Variants in PPM1L observed in about 807,000 individuals in gnomAD.
The protein encoded by PPM1L is protein phosphatase, Mg2+/Mn2+ dependent 1L.
A neutral mutation model predicts 31.4 loss-of-function variants in PPM1L; 13 were observed. That is an observed-to-expected ratio of 0.41 (90% CI 0.27 to 0.66). PPM1L has a LOEUF of 0.66. Ranked by LOEUF, PPM1L falls within the 30% of genes least tolerant of loss-of-function variation. PPM1L has a pLI of 0.29. For missense variants in PPM1L, 326 were observed against 453.7 expected (o/e 0.72, Z 2.56); for synonymous variants, 184 against 175.4 (o/e 1.05, Z -0.39).
chr3:160,912,078 G>A (rs1713993674), intron 1 of PPM1L, among the ~76,000 whole-genome samples: 1 of 152,160 alleles, frequency 6.6e-6, no homozygotes, highest in African/African-American at 2.4e-5. Flanking sequence ...GAATAATGTG[G>A]ATAATGGTAT....
intron 2 of PPM1L, among the ~76,000 whole-genome samples, chr3:161,028,718 C>T (rs1034397886): frequency 6.6e-6 from 1 of 152,104 alleles, no homozygotes; most frequent in Non-Finnish European, 1.5e-5. Flanking sequence ...TACATGACAC[C>T]AACAACAAAA....
intron 2 of PPM1L, among the ~76,000 whole-genome samples, chr3:160,967,285 C>T (rs988521937): frequency 6.6e-6 from 1 of 151,994 alleles, no homozygotes; most frequent in African/African-American, 2.4e-5. Context: ...ATTACCCAGT[C>T]TTGGGTATTT....
chr3:160,974,539 T>C (rs1220597251), intron 2 of PPM1L, among the ~76,000 whole-genome samples: 1 of 151,882 alleles, frequency 6.6e-6, no homozygotes, highest in Admixed American at 6.6e-5. Flanking sequence ...ACCTGTTGTT[T>C]CCTGAATTTT....
At chr3:160,991,964 G>T (rs140458316) in intron 2 of PPM1L, among the ~76,000 whole-genome samples, 249 of 152,258 alleles carry the variant, frequency 1.6e-3, no homozygotes, top group African/African-American at 5.8e-3. Flanking sequence ...CTCTTGATGT[G>T]TATTAACTTT....
At chr3:161,008,117 A>G (rs58189630) in intron 2 of PPM1L, among the ~76,000 whole-genome samples, 33,542 of 152,026 alleles carry the variant, frequency 0.22, 4,019 homozygotes, top group South Asian at 0.3. Context: ...CTTTTCCCCA[A>G]AGCTAACCAT....
intron 1 of PPM1L, among the ~76,000 whole-genome samples, chr3:160,771,096 A>G (rs1715243252): frequency 6.6e-6 from 1 of 152,198 alleles, no homozygotes; most frequent in Admixed American, 6.5e-5. Flanking sequence ...AGAATAAAGT[A>G]TATGTATGTA....
At chr3:161,037,741 G>C (rs950909179) in intron 2 of PPM1L, among the ~76,000 whole-genome samples, 4 of 151,630 alleles carry the variant, frequency 2.6e-5, no homozygotes, top group African/African-American at 9.7e-5. Context: ...CCCTACTTGA[G>C]CTTTTGAGAT....
chr3:160,973,762 CTGTTTTTTT>C (rs1716435372), intron 2 of PPM1L, among the ~76,000 whole-genome samples: 1 of 19,812 alleles, frequency 5.0e-5, no homozygotes, highest in African/African-American at 1.4e-4. Flanking sequence ...CTGAAAGGCC[CTGTTTTTTT>C]TTTTTTTTTT....
At chr3:160,817,155 G>A (rs972025569) in intron 1 of PPM1L, among the ~76,000 whole-genome samples, 3 of 152,050 alleles carry the variant, frequency 2.0e-5, no homozygotes, top group Non-Finnish European at 4.4e-5. Context: ...ATACTTGCAC[G>A]GGTGCTTTCA....
At chr3:161,042,242 C>A (rs1407669603) in intron 2 of PPM1L, among the ~76,000 whole-genome samples, 1 of 152,134 alleles carries the variant, frequency 6.6e-6, no homozygotes, top group African/African-American at 2.4e-5. Flanking sequence ...ACTTCTTTAC[C>A]TAGGGAATGC....
At chr3:160,842,458 C>G (rs1186127063) in intron 1 of PPM1L, among the ~76,000 whole-genome samples, 1 of 152,086 alleles carries the variant, frequency 6.6e-6, no homozygotes, top group Admixed American at 6.6e-5. Context: ...AGTGAAGGTT[C>G]TTAGCCAGGA....
At chr3:160,882,270 G>C (rs879794023) in intron 1 of PPM1L, 19 of 152,264 alleles carry the variant, frequency 1.2e-4, no homozygotes, top group Admixed American at 1.0e-3. Flanking sequence ...GGAAATATCT[G>C]ATTTCTGGAT....
chr3:160,943,869 G>T (rs1298975817), intron 1 of PPM1L, among the ~76,000 whole-genome samples: 1 of 152,070 alleles, frequency 6.6e-6, no homozygotes, highest in African/African-American at 2.4e-5. Context: ...TTATTCTAGG[G>T]CACTTGTATC....
chr3:160,955,263 G>A (rs1165383650), intron 1 of PPM1L, among the ~76,000 whole-genome samples: 1 of 151,728 alleles, frequency 6.6e-6, no homozygotes, highest in Non-Finnish European at 1.5e-5. Flanking sequence ...TGCCTGCCTC[G>A]GCCTCCCAAA....
intron 1 of PPM1L, among the ~76,000 whole-genome samples, chr3:160,944,306 T>C (rs1715253715): frequency 6.6e-6 from 1 of 152,024 alleles, no homozygotes; most frequent in South Asian, 2.1e-4. Flanking sequence ...TCCTGACAAA[T>C]GACAGTTTTG....
At chr3:160,789,196 C>G (rs920915238) in intron 1 of PPM1L, among the ~76,000 whole-genome samples, 6 of 151,788 alleles carry the variant, frequency 4.0e-5, no homozygotes, top group Non-Finnish European at 5.9e-5. Context: ...ACATTTGTTA[C>G]TAGACTTATT....
chr3:160,961,831 C>T lies in PPM1L; in HGVS notation c.495C>T (p.Tyr165=), dbSNP rs1050800751. 2 of 1,601,030 alleles carry T rather than the reference C, an allele frequency of 1.2e-6. No homozygotes were observed. Among genetic ancestry groups the T allele is most frequent in the Non-Finnish European group, 1.7e-6 (2 of 1,174,176 alleles). The part of the protein sequence containing the change: ...EKDKENSVLS[Y]QTILEQQILS... Reference sequence around the variant, plus strand: ...ACAAAGAAAATAGTGTATTATCTTACCAGACCATCCTTGAACAGCAGATTT... The same window carrying T: ...ACAAAGAAAATAGTGTATTATCTTATCAGACCATCCTTGAACAGCAGATTT... Residue 165 remains tyrosine (Y), a synonymous_variant, in exon 2 of 4, where the codon TAC becomes TAT. Transcript: ENST00000498165.
Position 161,030,325 on chromosome 3 carries a change from C to CT in PPM1L, c.575-35070dup, listed in dbSNP as rs529883644. 3.0e-3 allele frequency among the ~76,000 whole-genome samples: 460 copies of CT among 152,036 alleles called. 2 individuals carry two copies. Among genetic ancestry groups the CT allele is most frequent in the Non-Finnish European group, 5.9e-3 (403 of 67,954 alleles). ...CACAGCATTCATCCCTCTTCCCCCA[C>CT]TTTTTTTTGTTTGTTTGTTCGTTTA... is the stretch of plus-strand genomic sequence containing the variant. On this transcript the variant is annotated intron_variant, in intron 2 of 3. Coordinates refer to ENST00000498165, the MANE Select transcript of PPM1L (RefSeq NM_139245.4).
chr3:160,799,325 G>A (rs1310062189), intron 1 of PPM1L, among the ~76,000 whole-genome samples: 1 of 152,106 alleles, frequency 6.6e-6, no homozygotes, highest in Admixed American at 6.5e-5. Flanking sequence ...AGATTTCATT[G>A]CAACCTCATT....
Sources: allele counts gnomAD v4.1 joint callset (sites outside exome capture counted in the v4.1 genomes callset), GRCh38; gene constraint gnomAD v4.1.1; transcripts MANE v1.5; gene names NCBI Gene and HGNC (gene_info 2026-07-23, HGNC 2026-07-21).